FHIT: variants seen among roughly 807,000 people sequenced by gnomAD.
FHIT encodes the protein bis(5'-adenosyl)-triphosphatase.
FHIT carries 19 observed loss-of-function variants against 17.9 expected under a neutral mutation model. The ratio of observed to expected loss-of-function variants is 1.06; its 90% CI spans 0.74 to 1.56. The LOEUF is 1.56. Among genes scored for constraint, FHIT ranks in the 40% most tolerant of loss-of-function variants. FHIT has a pLI of 0.00. For synonymous variants in FHIT, 81 were observed against 69.7 expected (o/e 1.16, Z -0.81); for missense variants, 248 against 189.2 (o/e 1.31, Z -1.82).
chr3:60,502,290 C>A (rs2034555482), intron 5 of FHIT, among the ~76,000 whole-genome samples: 1 of 152,102 alleles, frequency 6.6e-6, no homozygotes, highest in Non-Finnish European at 1.5e-5. Context: ...GGCCAAAAGT[C>A]ATTGCATCTC....
At chr3:59,792,146 AATTGTTC>A (rs1488980666) in intron 8 of FHIT, among the ~76,000 whole-genome samples, 2 of 152,096 alleles carry the variant, frequency 1.3e-5, no homozygotes. Context: ...GGAAATGTTA[AATTGTTC>A]ATAAGTCCCT....
At chr3:60,638,651 A>G (rs2039649871) in intron 4 of FHIT, among the ~76,000 whole-genome samples, 2 of 152,066 alleles carry the variant, frequency 1.3e-5, no homozygotes, top group Admixed American at 1.3e-4. Flanking sequence ...GAATCTTTTC[A>G]TTTTATGGCT....
chr3:60,557,099 T>C (rs1316485926), intron 4 of FHIT, among the ~76,000 whole-genome samples: 1 of 152,232 alleles, frequency 6.6e-6, no homozygotes, highest in Non-Finnish European at 1.5e-5. Context: ...CCAGACATTA[T>C]GCTATAAATG....
intron 5 of FHIT, among the ~76,000 whole-genome samples, chr3:60,408,575 CA>C (rs1701957017): frequency 6.6e-6 from 1 of 151,692 alleles, no homozygotes; most frequent in South Asian, 2.1e-4. Context: ...CTCAAGAAGA[CA>C]AAAATAAAGG....
At chr3:60,368,182 A>T (rs1166675798) in intron 5 of FHIT, among the ~76,000 whole-genome samples, 1 of 145,182 alleles carries the variant, frequency 6.9e-6, no homozygotes, top group African/African-American at 2.6e-5. Flanking sequence ...TAAAATCATA[A>T]AACATATCTT....
rs536366710 is a variant in FHIT, at chr3:60,627,421, A to T, written c.-17-90442T>A. 4.5e-4 allele frequency among the ~76,000 whole-genome samples: 69 copies of T among 152,282 alleles called. 1 individual carries two copies. Among genetic ancestry groups the T allele is most frequent in the African/African-American group, 1.6e-3 (68 of 41,556 alleles). ...ATCTGTTTAGGAATTTGTTCATTTC[A>T]TCCAAGTTATCCAATTCATAGTCAT... On this transcript the variant is annotated intron_variant, in intron 4 of 9. Coordinates refer to ENST00000492590, the MANE Select transcript of FHIT (RefSeq NM_002012.4).
chr3:60,479,887 AT>A (rs1381184212), intron 5 of FHIT, among the ~76,000 whole-genome samples: 2 of 152,220 alleles, frequency 1.3e-5, no homozygotes, highest in Non-Finnish European at 2.9e-5. Flanking sequence ...ATTGTCTTCC[AT>A]GAAACCAGTC....
rs189094080 is a variant in FHIT at position 60,267,432 on chromosome 3, G to T, written c.104-253280C>A. 2.4e-3 allele frequency among the ~76,000 whole-genome samples: 362 copies of T among 152,068 alleles called. 3 individuals are homozygous for T. Among genetic ancestry groups the T allele is most frequent in the African/African-American group, 8.5e-3 (352 of 41,518 alleles). Reference sequence around the variant, plus strand: ...TATGCTATTATAAGAAATGTTATGTGAATTGTGTTCTCAATAATATGATTT... The same window carrying T: ...TATGCTATTATAAGAAATGTTATGTTAATTGTGTTCTCAATAATATGATTT... On this transcript the variant is annotated intron_variant, in intron 5 of 9. Transcript: ENST00000492590.
At position 59,748,668 on chromosome 3, in the gene FHIT, A is replaced by G. The variant is rs923579691; in HGVS notation, c.*917T>C. On this transcript the variant is annotated 3_prime_UTR_variant, in exon 10 of 10. Transcript: ENST00000492590. ...AGGGGAGATGGGACAGGGAGAAGGA[A>G]GTGGCTAGAGAGGTGAGCTCTTTTA... Among the ~76,000 whole-genome samples the G allele has an allele frequency of 3.9e-5, 6 of 152,236 alleles. No individual in the cohort carries two copies. The East Asian group carries it at 1.2e-3, about 29-fold the overall frequency.
At chr3:60,932,183 A>C (rs1559842723) in intron 3 of FHIT, among the ~76,000 whole-genome samples, 1 of 152,216 alleles carries the variant, frequency 6.6e-6, no homozygotes, top group Non-Finnish European at 1.5e-5. Flanking sequence ...GCTCTCCTTC[A>C]TTTATTCTCA....
At chr3:60,407,008 A>G (rs369269111) in intron 5 of FHIT, among the ~76,000 whole-genome samples, 1 of 150,956 alleles carries the variant, frequency 6.6e-6, no homozygotes, top group Non-Finnish European at 1.5e-5. Context: ...GTCAATTCTC[A>G]AGTCTCATTC....
chr3:60,462,454 G>A (rs1295573312), intron 5 of FHIT, among the ~76,000 whole-genome samples: 1 of 152,042 alleles, frequency 6.6e-6, no homozygotes, highest in Non-Finnish European at 1.5e-5. Flanking sequence ...ATGCACCTAG[G>A]GCAAGTCCTC....
intron 4 of FHIT, among the ~76,000 whole-genome samples, chr3:60,621,589 G>GA (rs36077598): frequency 0.097 from 14,381 of 147,724 alleles, 873 homozygotes; most frequent in Admixed American, 0.18. Flanking sequence ...AGCATTATGT[G>GA]AAAAAAAAAA....
At chr3:60,888,633 G>T (rs1226379184) in intron 3 of FHIT, among the ~76,000 whole-genome samples, 1 of 152,092 alleles carries the variant, frequency 6.6e-6, no homozygotes, top group Non-Finnish European at 1.5e-5. Context: ...TAAATGAAAA[G>T]TTTCACAGCC....
At chr3:60,194,672 C>G (rs1559716656) in intron 5 of FHIT, among the ~76,000 whole-genome samples, 1 of 152,086 alleles carries the variant, frequency 6.6e-6, no homozygotes, top group Non-Finnish European at 1.5e-5. Context: ...AAAATATTTG[C>G]AAACTATGCA....
chr3:60,858,354 T>C (rs1559776159), intron 3 of FHIT, among the ~76,000 whole-genome samples: 2 of 152,168 alleles, frequency 1.3e-5, no homozygotes, highest in Non-Finnish European at 2.9e-5. Context: ...CTGAGAATTG[T>C]GTGCTATAAC....
intron 2 of FHIT, among the ~76,000 whole-genome samples, chr3:61,169,603 A>G (rs2037938735): frequency 6.6e-6 from 1 of 152,232 alleles, no homozygotes; most frequent in Non-Finnish European, 1.5e-5. Context: ...TTTAAATCAT[A>G]TAGAAAAATG....
intron 4 of FHIT, among the ~76,000 whole-genome samples, chr3:60,638,187 G>A (rs2039637293): frequency 6.6e-6 from 1 of 152,164 alleles, no homozygotes. Context: ...CACTTACCCT[G>A]CCTTTCCTGT....
chr3:60,909,095 G>C (rs1383252332), intron 3 of FHIT, among the ~76,000 whole-genome samples: 1 of 152,110 alleles, frequency 6.6e-6, no homozygotes, highest in African/African-American at 2.4e-5. Flanking sequence ...TCTTGGCAGG[G>C]AGCGGCGGCT....
Sources: allele counts gnomAD v4.1 joint callset (sites outside exome capture counted in the v4.1 genomes callset), GRCh38; gene constraint gnomAD v4.1.1; transcripts MANE v1.5; gene names NCBI Gene and HGNC (gene_info 2026-07-23, HGNC 2026-07-21).